The following CEACAM1 variants were observed in gnomAD, a reference collection of about 807,000 sequenced individuals.
CEACAM1 encodes the protein CEA cell adhesion molecule 1, also known as cell adhesion molecule CEACAM1.
A neutral mutation model predicts 49.1 loss-of-function variants in CEACAM1; 31 were observed. The observed-to-expected ratio is 0.63, with a 90% CI of 0.47 to 0.85. The LOEUF (loss-of-function observed/expected upper bound fraction) is 0.85. CEACAM1 is among the 40% of genes least tolerant of loss of function. CEACAM1 has a pLI of 0.00. For missense variants in CEACAM1, 570 were observed against 645.3 expected, an observed-to-expected ratio of 0.88 and a Z score of 1.26; for synonymous variants, 244 against 247.8, an observed-to-expected ratio of 0.98 and a Z score of 0.14.
At chr19:42,518,647 G>A (rs993930871) in intron 5 of CEACAM1, 35 of 322,760 alleles carry the variant, frequency 1.1e-4, no homozygotes, top group South Asian at 6.8e-4. Flanking sequence ...ACAGGCGCCC[G>A]CCACCATGCC....
chr19:42,514,965 T>G (rs1430245347), intron 5 of CEACAM1: 1 of 647,134 alleles, frequency 1.5e-6, no homozygotes, highest in Admixed American at 2.5e-5. Context: ...ATTATTACAT[T>G]AAATCTTTAA....
chr19:42,515,041 G>T, intron 5 of CEACAM1: 1 of 676,768 alleles, frequency 1.5e-6, no homozygotes, highest in South Asian at 1.6e-5. Context: ...GAAACAGATG[G>T]GAGGATTGCT....
chr19:42,510,733 A>G (rs1407974828), intron 8 of CEACAM1, among the ~76,000 whole-genome samples, 156 bp downstream of exon 8: 1 of 152,242 alleles, frequency 6.6e-6, no homozygotes, highest in Admixed American at 6.5e-5. Flanking sequence ...TCTTGCTGCA[A>G]AGTAGACTCA....
rs1421545043 is a variant in CEACAM1 at position 42,521,973 on chromosome 19, C to T, written c.654G>A (p.Gln218=). The change falls in exon 3 of 9, where the codon CAG becomes CAA. Residue 218 remains glutamine, a synonymous_variant. Transcript: ENST00000161559. ...CACTGCGGTTCGCACTCACTGGGTT[C>T]TGTATTTCACACTCATAGGGTCCTG... ...NDTGPYECEI[Q]NPVSANRSDP... The T allele has an allele frequency of 6.2e-7, 1 of 1,614,226 alleles. No individual in the cohort carries two copies. Among genetic ancestry groups the T allele is most frequent in the Non-Finnish European group, 8.5e-7 (1 of 1,180,038 alleles).
chr19:42,511,724 G>A, intron 6 of CEACAM1, 96 bp from the exon 7 acceptor site: 1 of 1,140,732 alleles, frequency 8.8e-7, no homozygotes, highest in Non-Finnish European at 1.3e-6. Context: ...ATTCCTTAGA[G>A]TCCTTGATGT....
In CEACAM1 at chr19:42,510,040, T is replaced by C. The variant is rs946639819; in HGVS notation, c.1462-812A>G. Among the ~76,000 whole-genome samples, 3 of 152,206 alleles carry C rather than the reference T, an allele frequency of 2.0e-5. No homozygotes were observed. In the East Asian group the frequency reaches 5.8e-4, roughly 29 times the overall value. On this transcript the variant is annotated intron_variant, in intron 8 of 8. Transcript: ENST00000161559. The stretch of plus-strand genomic sequence containing the variant: ...ACATTGTGAAAGTATAATTATGATT[T>C]AGCACTTTTCAGTATGTATGTTTGC...
At chr19:42,522,825 A>T (rs2041792248) in intron 2 of CEACAM1, among the ~76,000 whole-genome samples, 1 of 152,058 alleles carries the variant, frequency 6.6e-6, no homozygotes, top group Non-Finnish European at 1.5e-5. Flanking sequence ...AAGTGCTGGG[A>T]TTCCGTCCGG....
intron 6 of CEACAM1, 80 bp from the exon 7 acceptor site, chr19:42,511,708 C>T: frequency 7.3e-7 from 1 of 1,367,966 alleles, no homozygotes; most frequent in Non-Finnish European, 1.0e-6. Flanking sequence ...ACACTGTGAG[C>T]AGGTAATTCC....
At chr19:42,523,099 A>G (rs963296650) in intron 2 of CEACAM1, among the ~76,000 whole-genome samples, 4 of 152,054 alleles carry the variant, frequency 2.6e-5, no homozygotes, top group African/African-American at 9.7e-5. Context: ...TGCCTGCCTG[A>G]CCCACCTGTG....
chr19:42,515,062 A>T lies in CEACAM1; in HGVS notation c.1247-2583T>A, dbSNP rs771400410. 15 of 674,378 alleles carry T rather than the reference A, an allele frequency of 2.2e-5. No individual in the cohort carries two copies. The South Asian group carries it at 2.3e-4, about 11-fold the overall frequency. The allele number at this position is 674,378 out of a possible 1,614,324, so 41.8% of individuals were successfully genotyped here. The stretch of plus-strand genomic sequence containing the variant: ...GATGGGAGGATTGCTTGAGCCCAGG[A>T]GTTCGAGTCCAGCCTGGGTAACATG... On this transcript the variant is annotated intron_variant, in intron 5 of 8. Transcript: ENST00000161559.
chr19:42,511,959 T>C (rs1459279418), intron 6 of CEACAM1, among the ~76,000 whole-genome samples: 1 of 152,186 alleles, frequency 6.6e-6, no homozygotes, highest in Admixed American at 6.5e-5. Context: ...TGTTTTTGCT[T>C]TCTCTTAGGT....
chr19:42,526,876 C>G (rs548134467), intron 2 of CEACAM1, among the ~76,000 whole-genome samples, 165 bp downstream of exon 2: 5 of 152,254 alleles, frequency 3.3e-5, no homozygotes, highest in Admixed American at 1.3e-4. Flanking sequence ...GTAAGACATT[C>G]GGTATTTTGA....
intron 5 of CEACAM1, 119 bp downstream of exon 5, chr19:42,518,829 C>G: frequency 8.3e-7 from 1 of 1,202,544 alleles, no homozygotes; most frequent in Non-Finnish European, 1.2e-6. Flanking sequence ...CTTTGCAATT[C>G]TGTTTGCTAT....
chr19:42,519,373 G>T, intron 4 of CEACAM1, 138 bp from the exon 5 acceptor site: 2 of 775,878 alleles, frequency 2.6e-6, no homozygotes, highest in Non-Finnish European at 4.3e-6. Flanking sequence ...ACCAACCAGG[G>T]GATAGCCCTG....
intron 4 of CEACAM1, among the ~76,000 whole-genome samples, chr19:42,520,106 G>A (rs2147791436): frequency 6.6e-6 from 1 of 152,334 alleles, no homozygotes; most frequent in Middle Eastern, 3.4e-3. Context: ...GATTCCTAGA[G>A]TAGGCACAGT....
At position 42,519,210 on chromosome 19, in the gene CEACAM1, G is replaced by A; in HGVS notation, c.984C>T (p.Pro328=). The change falls in exon 5 of 9, where the codon CCC becomes CCT. Residue 328 remains proline (P), a synonymous_variant. Transcript: ENST00000161559. ...VTELSPVVAK[P]QIKASKTTVT... is the part of the protein sequence containing the mutation. ...CTGTGGTCTTGCTGGCTTTGATTTGGGGCTTTGCTACTACTGGACTTAGCT... is the reference window on the plus strand; with the variant it reads ...CTGTGGTCTTGCTGGCTTTGATTTGAGGCTTTGCTACTACTGGACTTAGCT... The A allele has an allele frequency of 6.2e-7, 1 of 1,614,058 alleles. No individual in the cohort carries two copies. Among genetic ancestry groups the A allele is most frequent in the Non-Finnish European group, 8.5e-7 (1 of 1,180,018 alleles).
At chr19:42,519,352 G>C (rs2041682777) in intron 4 of CEACAM1, 117 bp from the exon 5 acceptor site, 1 of 1,008,066 alleles carries the variant, frequency 9.9e-7, no homozygotes. Context: ...ACAGTGAGCT[G>C]TGCAAAGGTC....
Position 42,519,167 on chromosome 19 carries a change from A to G in CEACAM1, c.1027T>C (p.Ser343Pro). The G allele has an allele frequency of 6.2e-7, 1 of 1,614,092 alleles. No homozygotes were observed. Among genetic ancestry groups the G allele is most frequent in the Non-Finnish European group, 8.5e-7 (1 of 1,179,932 alleles). ...TTTGTGGAGCAGGTCAGGTTCACAG[A>G]GTCCTTATCTCCTGTGACTGTGGTC... ...SKTTVTGDKD[S>P]VNLTCSTNDT... Residue 343 changes from serine (S) to proline (P), a missense_variant, in exon 5 of 9, where the codon TCT (serine) becomes CCT (proline). Ser to Pro is a moderately conservative substitution (Grantham distance 74, BLOSUM62 -1). Transcript: ENST00000161559.
intron 1 of CEACAM1, chr19:42,527,881 C>A: frequency 4.9e-6 from 1 of 204,650 alleles, no homozygotes; most frequent in Non-Finnish European, 9.8e-6. Flanking sequence ...TTGGTTGCAC[C>A]CCAGTGCCTG....
Sources: gnomAD v4.1 joint callset for allele counts (sites outside exome capture counted in the v4.1 genomes callset) on GRCh38, gnomAD v4.1.1 for gene constraint, MANE v1.5 for transcripts, NCBI Gene and HGNC (gene_info 2026-07-23, HGNC 2026-07-21) for gene names.